Variants in RET observed in about 807,000 individuals in gnomAD.
RET encodes the protein ret proto-oncogene.
In RET, 19 loss-of-function variants were observed where a neutral mutation model predicts 118.3. The observed-to-expected ratio is 0.16, with a 90% confidence interval of 0.11 to 0.24. The LOEUF is 0.24. Ranked by LOEUF, RET falls within the 10% of genes least tolerant of loss-of-function variation. RET has a pLI of 1.00. For missense variants in RET, 1,219 were observed against 1,502.1 expected (o/e 0.81, Z 3.12); for synonymous variants, 597 against 644.1 (o/e 0.93, Z 1.11).
At position 43,099,185 on chromosome 10, in the gene RET, A is replaced by G. The variant is rs182859003; in HGVS notation, c.74-1274A>G. Among the ~76,000 whole-genome samples the G allele has an allele frequency of 3.5e-3, 531 of 152,202 alleles. 3 individuals are homozygous for G. The highest frequency in any genetic ancestry group is 0.012 in the African/African-American group (515 of 41,536). On this transcript the variant is annotated intron_variant, in intron 1 of 19. Coordinates refer to ENST00000355710, the MANE Select transcript of RET (RefSeq NM_020975.6). ...CTACGCCTCTGTCCACAGCGCCTTC[A>G]GTGATTCATTTTTCAGTTATTTAGG...
Position 43,130,333 on chromosome 10 carries a change from A to C in RET, c.*2064A>C, listed in dbSNP as rs1838418893. 3.3e-6 allele frequency: 1 copy of C among 300,050 alleles called. No individual in the cohort carries two copies. The highest frequency in any genetic ancestry group is 6.1e-6 in the Non-Finnish European group (1 of 164,166). 18.6% of individuals were successfully genotyped at this position (300,050 alleles called of 1,614,324 possible). ...GACTAAGAAAATCAGTTGTGTAAATAAAATCATGTATCATAAAATGTGTAA... is the reference window on the plus strand; with the variant it reads ...GACTAAGAAAATCAGTTGTGTAAATCAAATCATGTATCATAAAATGTGTAA... On this transcript the variant is annotated 3_prime_UTR_variant, in exon 20 of 20. Coordinates refer to ENST00000355710, the MANE Select transcript of RET (RefSeq NM_020975.6).
intron 18 of RET, 78 bp from the exon 19 acceptor site, chr10:43,126,497 G>T: frequency 7.8e-7 from 1 of 1,287,202 alleles, no homozygotes; most frequent in Non-Finnish European, 1.1e-6. Context: ...CCTCTGCCCT[G>T]AGGATGGCTT....
chr10:43,101,179 G>T (rs2132669970), intron 2 of RET, among the ~76,000 whole-genome samples: 1 of 151,868 alleles, frequency 6.6e-6, no homozygotes, highest in African/African-American at 2.4e-5. Flanking sequence ...TGTCCCAGGT[G>T]TCCAGGGAGG....
chr10:43,077,573 G>C (rs1837076452), intron 1 of RET, among the ~76,000 whole-genome samples: 3 of 150,908 alleles, frequency 2.0e-5, no homozygotes, highest in Admixed American at 2.0e-4. Context: ...CGGAGCGCGG[G>C]CCGGGCCGCG....
Position 43,119,625 on chromosome 10 carries a change from T to C in RET, c.2487T>C (p.Ser829=), listed in dbSNP as rs2132946081. 6.2e-7 allele frequency: 1 copy of C among 1,612,906 alleles called. No homozygotes were observed. Among genetic ancestry groups the C allele is most frequent in the Non-Finnish European group, 8.5e-7 (1 of 1,179,924 alleles). ...AAGTGGGGCCTGGCTACCTGGGCAG[T>C]GGAGGCAGCCGCAACTCCAGCTCCC... is the stretch of plus-strand genomic sequence containing the variant. The part of the protein sequence containing the change: ...SRKVGPGYLG[S]GGSRNSSSLD... Residue 829 remains serine, a synonymous_variant, in exon 14 of 20, where the codon AGT becomes AGC. Transcript: ENST00000355710.
At chr10:43,118,571 A>G (rs1233383570) in intron 13 of RET, 91 bp downstream of exon 13, 73 of 936,418 alleles carry the variant, frequency 7.8e-5, no homozygotes, top group Non-Finnish European at 1.2e-4. Context: ...CCCTTTCCCT[A>G]CTGCTCCTGC....
rs1554819406 is a variant in RET, at chr10:43,118,461, T to C, written c.2373T>C (p.Tyr791=). Residue 791 remains tyrosine (Y), a synonymous_variant, in exon 13 of 20, where the codon TAT becomes TAC. Transcript: ENST00000355710. ...QVNHPHVIKL[Y]GACSQDGPLL... Reference sequence around the variant, plus strand: ...ACCACCCACATGTCATCAAATTGTATGGGGCCTGCAGCCAGGATGGTAAGG... The same window carrying C: ...ACCACCCACATGTCATCAAATTGTACGGGGCCTGCAGCCAGGATGGTAAGG... 5.0e-6 allele frequency: 8 copies of C among 1,613,882 alleles called. No individual in the cohort carries two copies. The highest frequency in any genetic ancestry group is 1.1e-5 in the South Asian group (1 of 91,084).
chr10:43,111,993 C>T (rs2132792473), intron 7 of RET, 106 bp from the exon 8 acceptor site: 2 of 1,485,558 alleles, frequency 1.3e-6, no homozygotes, highest in East Asian at 2.5e-5. Context: ...TCCCCTTGGG[C>T]TCCATCCGTG....
At chr10:43,119,113 G>A (rs1158422540) in intron 13 of RET, among the ~76,000 whole-genome samples, 2 of 152,160 alleles carry the variant, frequency 1.3e-5, no homozygotes, top group African/African-American at 4.8e-5. Context: ...GTGGGAACAG[G>A]GAGCAGGCTG....
At chr10:43,115,717 T>A (rs1226769073) in intron 11 of RET, among the ~76,000 whole-genome samples, 2 of 152,368 alleles carry the variant, frequency 1.3e-5, no homozygotes, top group Non-Finnish European at 2.9e-5. Flanking sequence ...GCACCAGGTC[T>A]TGGACCCATG....
Position 43,128,751 on chromosome 10 carries a change from G to T in RET, c.*482G>T. 1 of 313,346 alleles carries T rather than the reference G, an allele frequency of 3.2e-6. No individual in the cohort carries two copies. The highest frequency in any genetic ancestry group is 6.0e-6 in the Non-Finnish European group (1 of 166,408). 19.4% of individuals were successfully genotyped at this position (313,346 alleles called of 1,614,324 possible). A position where few individuals can be genotyped will look rare whatever the true frequency, so the allele number is the denominator to read the frequency against. ...CTGATGACCTGTCCTTATTCAGAATGAGAGACTGCGGGGGGGGCCTGGGGG... is the reference window on the plus strand; with the variant it reads ...CTGATGACCTGTCCTTATTCAGAATTAGAGACTGCGGGGGGGGCCTGGGGG... On this transcript the variant is annotated 3_prime_UTR_variant, in exon 20 of 20. Transcript: ENST00000355710.
chr10:43,111,358 C>T lies in RET; in HGVS notation c.1415C>T (p.Ala472Val), dbSNP rs2132771350. The T allele has an allele frequency of 6.2e-7, 1 of 1,614,088 alleles. No individual in the cohort carries two copies. Among genetic ancestry groups the T allele is most frequent in the Non-Finnish European group, 8.5e-7 (1 of 1,180,046 alleles). ...SGILFVNDTK[A>V]LRRPKCAELH... ...ATCCTGTTTGTGAATGACACCAAGGCCCTGCGGCGGCCCAAGTGTGCCGAA... is the reference window on the plus strand; with the variant it reads ...ATCCTGTTTGTGAATGACACCAAGGTCCTGCGGCGGCCCAAGTGTGCCGAA... Residue 472 changes from alanine to valine, a missense_variant, in exon 7 of 20, where the codon GCC becomes GTC. This residue lies in a region of RET where 850 missense variants were observed against 969.6 expected (regional missense o/e 0.88). Coordinates refer to ENST00000355710, the MANE Select transcript of RET (RefSeq NM_020975.6).
intron 4 of RET, 96 bp downstream of exon 4, chr10:43,105,289 GT>G: frequency 6.4e-7 from 1 of 1,565,254 alleles, no homozygotes. Context: ...ACCCAACCGT[GT>G]GGCCGACCAT....
rs1588880870 is a variant in RET, at chr10:43,126,441, C to T, written c.3040-134C>T. On this transcript the variant is annotated intron_variant, in intron 18 of 19. Coordinates refer to ENST00000355710, the MANE Select transcript of RET (RefSeq NM_020975.6). ...GCTCTATGCAGCCTGGCCCTGGTCT[C>T]TTGGAGAGGTCAGGAGATTGGTGCG... The T allele has an allele frequency of 1.3e-5, 11 of 864,092 alleles. No homozygotes were observed. In the East Asian group the frequency reaches 2.6e-4, roughly 21 times the overall value. The allele number at this position is 864,092 out of a possible 1,614,324, so 53.5% of individuals were successfully genotyped here.
At chr10:43,119,309 C>A (rs1187741596) in intron 13 of RET, among the ~76,000 whole-genome samples, 1 of 152,200 alleles carries the variant, frequency 6.6e-6, no homozygotes, top group Non-Finnish European at 1.5e-5. Flanking sequence ...GGCACCCACA[C>A]GAGCAGCAGG....
chr10:43,089,206 C>T (rs559028325), intron 1 of RET, among the ~76,000 whole-genome samples: 1 of 152,378 alleles, frequency 6.6e-6, no homozygotes, highest in East Asian at 1.9e-4. Flanking sequence ...GCCGGCTGAC[C>T]TCAGGGAGGG....
chr10:43,102,800 A>T, intron 3 of RET, 171 bp downstream of exon 3: 1 of 767,348 alleles, frequency 1.3e-6, no homozygotes, highest in Non-Finnish European at 2.1e-6. Flanking sequence ...CTGTTCTAGG[A>T]GCTAAGGATA....
chr10:43,109,666 C>A (rs776589097), intron 6 of RET, among the ~76,000 whole-genome samples: 4 of 152,110 alleles, frequency 2.6e-5, no homozygotes, highest in Non-Finnish European at 4.4e-5. Context: ...CACAGTGGTG[C>A]CCTCAGGGGG....
At position 43,114,031 on chromosome 10, in the gene RET, G is replaced by T. The variant is rs1476763455; in HGVS notation, c.1879+356G>T. Among the ~76,000 whole-genome samples, 3 of 152,174 alleles carry T rather than the reference G, an allele frequency of 2.0e-5. No individual in the cohort carries two copies. Among genetic ancestry groups the T allele is most frequent in the Non-Finnish European group, 4.4e-5 (3 of 68,020 alleles). On this transcript the variant is annotated intron_variant, in intron 10 of 19. Coordinates refer to ENST00000355710, the MANE Select transcript of RET (RefSeq NM_020975.6). The surrounding 1 kb of genome is among the most constrained non-coding windows in gnomAD (Gnocchi z 4.6). ...GCACAGCCACACTGACTACACTCAG[G>T]GGTGCTGTTCTGCCTGAGCATAGGG...
Sources: allele counts gnomAD v4.1 joint callset (sites outside exome capture counted in the v4.1 genomes callset), GRCh38; gene constraint gnomAD v4.1.1; regional missense constraint gnomAD v4.1.1; non-coding constraint Gnocchi (gnomAD v3.1); transcripts MANE v1.5; gene names NCBI Gene and HGNC (gene_info 2026-07-23, HGNC 2026-07-21).